PRR3: variants seen among roughly 807,000 people sequenced by gnomAD.
The protein encoded by PRR3 is proline rich 3.
Under a neutral mutation model 22.4 loss-of-function variants are expected in PRR3, and 16 were observed. The ratio of observed to expected loss-of-function variants is 0.71; its 90% CI spans 0.48 to 1.09. PRR3 has a LOEUF of 1.09. Ranked by LOEUF, PRR3 falls within the 50% of genes least tolerant of loss-of-function variation. PRR3 has a pLI of 0.00. For missense variants in PRR3, 224 were observed against 243.4 expected (o/e 0.92, Z 0.53); for synonymous variants, 87 against 88.6 (o/e 0.98, Z 0.10).
rs1800637244 is a variant in PRR3, at chr6:30,561,675, CAA to C, written c.170-158_170-157del. ...ATCTCTTCACCTGGTGGTGGAAACT[CAA>C]GTGTGTCTACTTTGTGAGAACTGGG... On this transcript the variant is annotated intron_variant, in intron 2 of 3. Transcript: ENST00000376560. This position sits in a 1 kb window ranked among gnomAD's most constrained non-coding sequence, Gnocchi z 4.0. The C allele has an allele frequency of 6.1e-6, 4 of 652,786 alleles. No individual in the cohort carries two copies. The highest frequency in any genetic ancestry group is 1.0e-5 in the Non-Finnish European group (4 of 388,680). 40.4% of individuals were successfully genotyped at this position (652,786 alleles called of 1,614,324 possible). A position where few individuals can be genotyped will look rare whatever the true frequency, so the allele number is the denominator to read the frequency against.
chr6:30,562,870 C>T lies in PRR3; in HGVS notation c.*375C>T, dbSNP rs1301436982. On this transcript the variant is annotated 3_prime_UTR_variant, in exon 4 of 4. Transcript: ENST00000376560. ...CCCTCAATTCCTGAGAGCCCTGGAG[C>T]GGTTTCCTACCATTCCCTTCTTTTA... The T allele has an allele frequency of 1.7e-5, 3 of 179,148 alleles. No individual in the cohort carries two copies. The highest frequency in any genetic ancestry group is 6.2e-5 in the Admixed American group (1 of 16,132). 11.1% of individuals were successfully genotyped at this position (179,148 alleles called of 1,614,324 possible).
chr6:30,558,601 G>T (rs1002665586), intron 2 of PRR3, among the ~76,000 whole-genome samples: 2 of 152,062 alleles, frequency 1.3e-5, no homozygotes, highest in Non-Finnish European at 1.5e-5. Context: ...GAGGTGCGAG[G>T]ATCCTTTGAG....
In PRR3 at chr6:30,561,514, A is replaced by G. The variant is rs1800627917; in HGVS notation, c.170-320A>G. 1 of 581,350 alleles carries G rather than the reference A, an allele frequency of 1.7e-6. No individual in the cohort carries two copies. The highest frequency in any genetic ancestry group is 1.7e-5 in the South Asian group (1 of 59,480). The allele number at this position is 581,350 out of a possible 1,614,324, so 36.0% of individuals were successfully genotyped here. A position where few individuals can be genotyped will look rare whatever the true frequency, so the allele number is the denominator to read the frequency against. The stretch of plus-strand genomic sequence containing the variant: ...GACATAAAAGAATGCAGACTGTATG[A>G]TTCCATTTTTGTGAAGTTCAAAAAC... On this transcript the variant is annotated intron_variant, in intron 2 of 3. Transcript: ENST00000376560. This position sits in a 1 kb window ranked among gnomAD's most constrained non-coding sequence, Gnocchi z 4.0.
At position 30,562,621 on chromosome 6, in the gene PRR3, C is replaced by T. The variant is rs1800717340; in HGVS notation, c.*126C>T. 1 of 657,686 alleles carries T rather than the reference C, an allele frequency of 1.5e-6. No individual in the cohort carries two copies. The highest frequency in any genetic ancestry group is 1.8e-5 in the African/African-American group (1 of 55,200). The allele number at this position is 657,686 out of a possible 1,614,324, so 40.7% of individuals were successfully genotyped here. A position where few individuals can be genotyped will look rare whatever the true frequency, so the allele number is the denominator to read the frequency against. On this transcript the variant is annotated 3_prime_UTR_variant, in exon 4 of 4. Coordinates refer to ENST00000376560, the MANE Select transcript of PRR3 (RefSeq NM_025263.4). ...CCCTCAGTCAGTGACACACCCATCCCATCCACCACTTCCCCCGTGTGGGGT... is the reference window on the plus strand; with the variant it reads ...CCCTCAGTCAGTGACACACCCATCCTATCCACCACTTCCCCCGTGTGGGGT...
intron 1 of PRR3, 67 bp from the exon 2 acceptor site, chr6:30,558,083 C>T (rs1017337292): frequency 3.8e-6 from 5 of 1,329,696 alleles, no homozygotes; most frequent in Non-Finnish European, 4.3e-6. Context: ...ACAAGAAAAA[C>T]ACCTAAGAAC....
At chr6:30,557,176 T>G (rs1438379386), upstream of PRR3, 2 of 707,744 alleles carry the variant, frequency 2.8e-6, no homozygotes, top group South Asian at 3.0e-5. Flanking sequence ...AGGGAGGCAG[T>G]TGGCTCCGGA....
intron 2 of PRR3, 53 bp downstream of exon 2, chr6:30,558,265 G>A: frequency 2.0e-6 from 3 of 1,473,690 alleles, no homozygotes; most frequent in South Asian, 2.3e-5. Flanking sequence ...AAGACAGCAA[G>A]GGAGGGGATA....
In PRR3 at chr6:30,562,555, C is replaced by T. The variant is rs1800713001; in HGVS notation, c.*60C>T. The T allele has an allele frequency of 2.8e-6, 3 of 1,076,522 alleles. No individual in the cohort carries two copies. The Admixed American group carries it at 5.3e-5, about 19-fold the overall frequency. 66.7% of individuals were successfully genotyped at this position (1,076,522 alleles called of 1,614,324 possible). Reference sequence around the variant, plus strand: ...TCTGTGACCTAGCGGCCATTTATTTCTCTGTAGCCCTATGATGGCTACTGT... The same window carrying T: ...TCTGTGACCTAGCGGCCATTTATTTTTCTGTAGCCCTATGATGGCTACTGT... On this transcript the variant is annotated 3_prime_UTR_variant, in exon 4 of 4. Coordinates refer to ENST00000376560, the MANE Select transcript of PRR3 (RefSeq NM_025263.4).
rs758376067 is a variant in PRR3 at position 30,561,888 on chromosome 6, G to A, written c.224G>A (p.Ser75Asn). The A allele has an allele frequency of 1.1e-5, 18 of 1,605,560 alleles. No individual in the cohort carries two copies. In the East Asian group the frequency reaches 3.8e-4, roughly 34 times the overall value. Residue 75 changes from serine (S) to asparagine (N), a missense_variant, in exon 3 of 4, where the codon AGT becomes AAT. Transcript: ENST00000376560. The surrounding 1 kb of genome is among the most constrained non-coding windows in gnomAD (Gnocchi z 4.0). ...SRGPLIPPLL[S>N]LPPPPWGRGP... ...GGACCACTGATTCCACCACTGCTGA[G>A]TCTCCCACCTCCTCCTTGGGGTAGA... is the stretch of plus-strand genomic sequence containing the variant.
chr6:30,560,965 G>A (rs1241662784), intron 2 of PRR3: 1 of 174,990 alleles, frequency 5.7e-6, no homozygotes, highest in Non-Finnish European at 1.2e-5. Flanking sequence ...GGAGACCAAG[G>A]TGGGAGGATC....
At position 30,563,052 on chromosome 6, in the gene PRR3, T is replaced by C. The variant is rs1306900517; in HGVS notation, c.*557T>C. 6.5e-6 allele frequency: 1 copy of C among 152,816 alleles called. No homozygotes were observed. Among genetic ancestry groups the C allele is most frequent in the Non-Finnish European group, 1.5e-5 (1 of 68,238 alleles). 9.5% of individuals were successfully genotyped at this position (152,816 alleles called of 1,614,324 possible). Reference sequence around the variant, plus strand: ...CCACTCTCCCTGCCTTTGGATTTCATAGTTTCTCTGTCAGTAGCATGATCC... The same window carrying C: ...CCACTCTCCCTGCCTTTGGATTTCACAGTTTCTCTGTCAGTAGCATGATCC... On this transcript the variant is annotated 3_prime_UTR_variant, in exon 4 of 4. Transcript: ENST00000376560.
chr6:30,561,321 G>C lies in PRR3; in HGVS notation c.170-513G>C, dbSNP rs556333932. 48 of 454,978 alleles carry C rather than the reference G, an allele frequency of 1.1e-4. No individual in the cohort carries two copies. Among genetic ancestry groups the C allele is most frequent in the Non-Finnish European group, 2.0e-4 (45 of 227,464 alleles). The allele number at this position is 454,978 out of a possible 1,614,324, so 28.2% of individuals were successfully genotyped here. A position where few individuals can be genotyped will look rare whatever the true frequency, so the allele number is the denominator to read the frequency against. On this transcript the variant is annotated intron_variant, in intron 2 of 3. Transcript: ENST00000376560. This position sits in a 1 kb window ranked among gnomAD's most constrained non-coding sequence, Gnocchi z 4.0. ...AAAAATGTTTATAGTGGCATTTCTC[G>C]TTATAGCCCCAAACTGGATACCACC...
chr6:30,559,594 C>T (rs970478915), intron 2 of PRR3, among the ~76,000 whole-genome samples: 19 of 152,038 alleles, frequency 1.2e-4, no homozygotes, highest in Non-Finnish European at 2.6e-4. Context: ...TCTAAATGAA[C>T]AAGTACTCAA....
intron 3 of PRR3, 106 bp downstream of exon 3, chr6:30,562,230 G>A: frequency 7.7e-7 from 1 of 1,306,224 alleles, no homozygotes; most frequent in Non-Finnish European, 1.1e-6. Flanking sequence ...AGCAGAAGTA[G>A]ACCTCAATGT....
rs1432553118 is a variant in PRR3, at chr6:30,563,497, C to T, written c.*1002C>T. ...AGAAGCTGGACAGTACTGTTGCCCT[C>T]TTCCAATCCTCTTCCCCTACATCCC... On this transcript the variant is annotated 3_prime_UTR_variant, in exon 4 of 4. Transcript: ENST00000376560. 1 of 152,606 alleles carries T rather than the reference C, an allele frequency of 6.6e-6. No individual in the cohort carries two copies. The highest frequency in any genetic ancestry group is 1.5e-5 in the Non-Finnish European group (1 of 68,036). The allele number at this position is 152,606 out of a possible 1,614,324, so 9.5% of individuals were successfully genotyped here.
intron 2 of PRR3, among the ~76,000 whole-genome samples, chr6:30,558,859 T>C (rs962952473): frequency 6.6e-6 from 1 of 152,206 alleles, no homozygotes; most frequent in African/African-American, 2.4e-5. Context: ...ATTGGATCAA[T>C]TGGATATTCA....
chr6:30,557,769 T>C (rs980456888), intron 1 of PRR3, among the ~76,000 whole-genome samples: 1 of 152,234 alleles, frequency 6.6e-6, no homozygotes, highest in Non-Finnish European at 1.5e-5. Flanking sequence ...GGATGACAGT[T>C]TGTATCCAGA....
At position 30,562,533 on chromosome 6, in the gene PRR3, G is replaced by C. The variant is rs1800711170; in HGVS notation, c.*38G>C. On this transcript the variant is annotated 3_prime_UTR_variant, in exon 4 of 4. Transcript: ENST00000376560. ...CCATCCAGGCTGGAAGGAGCTCTCT[G>C]TGACCTAGCGGCCATTTATTTCTCT... 10 of 1,306,404 alleles carry C rather than the reference G, an allele frequency of 7.7e-6. No homozygotes were observed. The highest frequency in any genetic ancestry group is 8.8e-6 in the Non-Finnish European group (8 of 904,742). 80.9% of individuals were successfully genotyped at this position (1,306,404 alleles called of 1,614,324 possible).
chr6:30,558,513 G>C, intron 2 of PRR3: 1 of 409,476 alleles, frequency 2.4e-6, no homozygotes, highest in Non-Finnish European at 4.5e-6. Flanking sequence ...CTTGAAGTGG[G>C]AGGGCTTACT....
Sources: allele counts gnomAD v4.1 joint callset (sites outside exome capture counted in the v4.1 genomes callset), GRCh38; gene constraint gnomAD v4.1.1; non-coding constraint Gnocchi (gnomAD v3.1); transcripts MANE v1.5; gene names NCBI Gene and HGNC (gene_info 2026-07-23, HGNC 2026-07-21).